Variants in HNRNPM observed in about 807,000 individuals in gnomAD.
The protein encoded by HNRNPM is CEA receptor.
A neutral mutation model predicts 73.1 loss-of-function variants in HNRNPM; 11 were observed. That is an observed-to-expected ratio of 0.15 (90% CI 0.09 to 0.25). The LOEUF is 0.25. HNRNPM is among the 10% of genes least tolerant of loss of function. The pLI is 1.00. For synonymous variants in HNRNPM, 407 were observed against 355.2 expected, an observed-to-expected ratio of 1.15 and a Z score of -1.64; for missense variants, 789 against 1,067.9, an observed-to-expected ratio of 0.74 and a Z score of 3.64.
In HNRNPM at chr19:8,479,178, C is replaced by T. The variant is rs185850986; in HGVS notation, c.1121-3980C>T. ...TCAGCTCACTGCGGCCTCCACCTCC[C>T]GGTTTCAAGTGGTTCTCCTGCTTCA... On this transcript the variant is annotated intron_variant, in intron 12 of 15. Coordinates refer to ENST00000325495, the MANE Select transcript of HNRNPM (RefSeq NM_005968.5). Among the ~76,000 whole-genome samples the T allele has an allele frequency of 4.7e-5, 7 of 148,484 alleles. No individual in the cohort carries two copies. The East Asian group carries it at 6.0e-4, about 13-fold the overall frequency.
intron 12 of HNRNPM, among the ~76,000 whole-genome samples, chr19:8,480,473 T>C (rs1970835262): frequency 6.6e-6 from 1 of 151,902 alleles, no homozygotes; most frequent in Admixed American, 6.6e-5. Flanking sequence ...GAGACCAGCC[T>C]GGCCAACATG....
At chr19:8,470,309 T>C (rs1970040254) in intron 9 of HNRNPM, among the ~76,000 whole-genome samples, 1 of 152,212 alleles carries the variant, frequency 6.6e-6, no homozygotes, top group Admixed American at 6.5e-5. Flanking sequence ...GAACTTTGTT[T>C]GCTTTCTTTC....
intron 1 of HNRNPM, among the ~76,000 whole-genome samples, chr19:8,449,288 T>G (rs1403219828): frequency 6.6e-6 from 1 of 152,182 alleles, no homozygotes; most frequent in Non-Finnish European, 1.5e-5. Flanking sequence ...CTTGTTTTTT[T>G]GGGAGGGGGG....
intron 13 of HNRNPM, 85 bp downstream of exon 13, chr19:8,483,296 G>A (rs928651598): frequency 3.8e-5 from 39 of 1,025,364 alleles, no homozygotes; most frequent in Non-Finnish European, 5.8e-5. Flanking sequence ...TGAGAAGTGC[G>A]GGTTCTGACA....
chr19:8,467,561 G>A lies in HNRNPM; in HGVS notation c.811G>A (p.Asp271Asn). The change falls in exon 8 of 16, where the codon GAT becomes AAT. Residue 271 changes from aspartate to asparagine, a missense_variant. This residue lies in a region of HNRNPM where 604 missense variants were observed against 744.0 expected (regional missense o/e 0.81). Coordinates refer to ENST00000325495, the MANE Select transcript of HNRNPM (RefSeq NM_005968.5). ...TATGTTCAATGGCCAGCTGCTATTT[G>A]ATAGACCAATGCACGTCAAGATGGT... ...ISMFNGQLLF[D>N]RPMHVKMDER... The A allele has an allele frequency of 6.2e-7, 1 of 1,612,616 alleles. No individual in the cohort carries two copies. The highest frequency in any genetic ancestry group is 8.5e-7 in the Non-Finnish European group (1 of 1,178,668).
intron 1 of HNRNPM, among the ~76,000 whole-genome samples, chr19:8,450,414 GT>G (rs1406503661): frequency 2.0e-5 from 3 of 152,130 alleles, no homozygotes; most frequent in African/African-American, 4.8e-5. Flanking sequence ...TTTTATTAGG[GT>G]TTTTTTGTTT....
At chr19:8,486,545 A>C in intron 14 of HNRNPM, 140 bp downstream of exon 14, 2 of 688,954 alleles carry the variant, frequency 2.9e-6, no homozygotes, top group Non-Finnish European at 4.8e-6. Flanking sequence ...GTTTTATGCT[A>C]GTGGGACAAG....
intron 12 of HNRNPM, among the ~76,000 whole-genome samples, chr19:8,475,147 ACATGCCTAGGT>A (rs1416128337): frequency 6.6e-6 from 1 of 152,268 alleles, no homozygotes; most frequent in Admixed American, 6.5e-5. Context: ...ACAGAGAGTG[ACATGCCTAGGT>A]CAAGTGACTG....
chr19:8,455,153 T>A (rs11259986), intron 1 of HNRNPM, among the ~76,000 whole-genome samples: 38,744 of 151,276 alleles, frequency 0.26, 5,835 homozygotes, highest in East Asian at 0.4. Context: ...TTATATATAT[T>A]TTTTTGTTGT....
At chr19:8,488,616 T>TC (rs767175373) in intron 15 of HNRNPM, 75 bp from the exon 16 acceptor site, 119 of 1,404,416 alleles carry the variant, frequency 8.5e-5, no homozygotes, top group Middle Eastern at 3.7e-4. Context: ...TCAGGGCCTC[T>TC]CCTTTTTGAC....
At chr19:8,467,648 A>T in intron 8 of HNRNPM, 64 bp downstream of exon 8, 1 of 1,138,692 alleles carries the variant, frequency 8.8e-7, no homozygotes, top group Non-Finnish European at 1.3e-6. Flanking sequence ...AATTAATAAG[A>T]GTGTACATAT....
intron 11 of HNRNPM, 110 bp downstream of exon 11, chr19:8,473,818 T>C: frequency 3.9e-6 from 3 of 770,648 alleles, no homozygotes; most frequent in Admixed American, 5.4e-5. Context: ...TTGGTTTCAG[T>C]TTGAGTCTAG....
rs1252595344 is a variant in HNRNPM, at chr19:8,462,769, C to T, written c.336+188C>T. Among the ~76,000 whole-genome samples the T allele has an allele frequency of 6.6e-6, 1 of 152,178 alleles. No individual in the cohort carries two copies. Among genetic ancestry groups the T allele is most frequent in the East Asian group, 1.9e-4 (1 of 5,204 alleles). On this transcript the variant is annotated intron_variant, in intron 3 of 15. Coordinates refer to ENST00000325495, the MANE Select transcript of HNRNPM (RefSeq NM_005968.5). The surrounding 1 kb of genome is among the most constrained non-coding windows in gnomAD (Gnocchi z 4.5). ...ATGGGAGTCCCGCTTTTCCAAATGG[C>T]TGGCCAAAGAGCTTTTTGGTATTCT...
intron 1 of HNRNPM, among the ~76,000 whole-genome samples, chr19:8,446,597 C>A (rs532324564): frequency 6.6e-6 from 1 of 152,194 alleles, no homozygotes; most frequent in South Asian, 2.1e-4. Flanking sequence ...GAGAGGAGGT[C>A]TCCGGGTGTT....
intron 15 of HNRNPM, chr19:8,487,832 C>G (rs1200914022): frequency 6.6e-6 from 1 of 152,352 alleles, no homozygotes; most frequent in Non-Finnish European, 1.5e-5. Flanking sequence ...ACCTCTTTCC[C>G]CACTCCTGAG....
chr19:8,470,383 A>G (rs1970046620), intron 9 of HNRNPM, among the ~76,000 whole-genome samples: 1 of 151,894 alleles, frequency 6.6e-6, no homozygotes. Context: ...GCTGGAGTGC[A>G]GTGGTGCGGT....
intron 9 of HNRNPM, among the ~76,000 whole-genome samples, 172 bp downstream of exon 9, chr19:8,469,006 G>C (rs568327116): frequency 6.6e-6 from 1 of 152,262 alleles, no homozygotes; most frequent in African/African-American, 2.4e-5. Flanking sequence ...CACAACTTGA[G>C]GATATTGTTA....
intron 2 of HNRNPM, 119 bp downstream of exon 2, chr19:8,455,693 G>A: frequency 2.9e-6 from 2 of 689,440 alleles, no homozygotes; most frequent in South Asian, 4.5e-5. Context: ...TTCTTTCCAG[G>A]CTTAAGAGTG....
At chr19:8,484,422 C>G (rs1291819153) in intron 13 of HNRNPM, among the ~76,000 whole-genome samples, 1 of 152,174 alleles carries the variant, frequency 6.6e-6, no homozygotes, top group Non-Finnish European at 1.5e-5. Context: ...TTCCGCCCGC[C>G]TTGGCCTCCC....
Sources: allele counts gnomAD v4.1 joint callset (sites outside exome capture counted in the v4.1 genomes callset), GRCh38; gene constraint gnomAD v4.1.1; regional missense constraint gnomAD v4.1.1; non-coding constraint Gnocchi (gnomAD v3.1); transcripts MANE v1.5; gene names NCBI Gene and HGNC (gene_info 2026-07-23, HGNC 2026-07-21).